PIWIL2: variants seen among roughly 807,000 people sequenced by gnomAD.
The protein encoded by PIWIL2 is piwi-like protein 2.
In PIWIL2, 81 loss-of-function variants were observed where a neutral mutation model predicts 116.5. That is an observed-to-expected ratio of 0.70 (90% confidence interval 0.58 to 0.84). The LOEUF is 0.84. Among genes scored for constraint, PIWIL2 ranks in the 40% least tolerant of loss-of-function variants. PIWIL2 has a pLI of 0.00. For synonymous variants in PIWIL2, 489 were observed against 429.5 expected (o/e 1.14, Z -1.71); for missense variants, 1,272 against 1,212.3 (o/e 1.05, Z -0.73).
intron 20 of PIWIL2, among the ~76,000 whole-genome samples, chr8:22,320,407 AC>A (rs1831570725): frequency 6.6e-6 from 1 of 151,412 alleles, no homozygotes; most frequent in Non-Finnish European, 1.5e-5. Flanking sequence ...AGCTGGGATT[AC>A]CTGCATGTGC....
intron 14 of PIWIL2, among the ~76,000 whole-genome samples, chr8:22,309,334 T>C (rs1586564470): frequency 6.6e-6 from 1 of 152,086 alleles, no homozygotes; most frequent in African/African-American, 2.4e-5. Context: ...TTATATTTTA[T>C]TTATTTATTT....
chr8:22,329,022 C>G lies in PIWIL2; in HGVS notation c.2403+10747C>G, dbSNP rs374979161. 7.2e-5 allele frequency among the ~76,000 whole-genome samples: 11 copies of G among 152,054 alleles called. No individual in the cohort carries two copies. The East Asian group carries it at 1.9e-3, about 27-fold the overall frequency. On this transcript the variant is annotated intron_variant, in intron 20 of 22. Transcript: ENST00000356766. ...TGGTATTGAATAGCAGTGCTAAAATCAGGCATCTTTGTCTTTTTCCTGATA... is the reference window on the plus strand; with the variant it reads ...TGGTATTGAATAGCAGTGCTAAAATGAGGCATCTTTGTCTTTTTCCTGATA...
intron 20 of PIWIL2, among the ~76,000 whole-genome samples, chr8:22,343,951 A>G (rs1832168104): frequency 6.6e-6 from 1 of 152,228 alleles, no homozygotes; most frequent in Admixed American, 6.5e-5. Flanking sequence ...GTTTGTAGCA[A>G]CTTTATTCAT....
chr8:22,290,974 A>ATATATATATTTTTTTTTTTTTTTTTTTTT (rs1554498394), intron 10 of PIWIL2, among the ~76,000 whole-genome samples: 1 of 147,512 alleles, frequency 6.8e-6, no homozygotes, highest in Non-Finnish European at 1.5e-5. Context: ...GTGTATATAT[A>ATATATATATTTTTTTTTTTTTTTTTTTTT]TTTTTTTTAA....
chr8:22,329,726 T>C (rs1022928830), intron 20 of PIWIL2, among the ~76,000 whole-genome samples: 3 of 152,236 alleles, frequency 2.0e-5, no homozygotes, highest in African/African-American at 7.2e-5. Flanking sequence ...TCCTGTATAG[T>C]TCTATTCTCT....
chr8:22,297,020 A>G (rs1664105874), intron 10 of PIWIL2, among the ~76,000 whole-genome samples: 1 of 150,716 alleles, frequency 6.6e-6, no homozygotes, highest in Non-Finnish European at 1.5e-5. Context: ...ATGGAATCTC[A>G]CTTGGTTACC....
At chr8:22,287,394 A>T in intron 6 of PIWIL2, 134 bp from the exon 7 acceptor site, 1 of 695,674 alleles carries the variant, frequency 1.4e-6, no homozygotes, top group Non-Finnish European at 2.6e-6. Context: ...TCAAAGTTCT[A>T]GGCAGATAGA....
At chr8:22,310,584 C>T (rs946594475) in intron 15 of PIWIL2, among the ~76,000 whole-genome samples, 10 of 151,812 alleles carry the variant, frequency 6.6e-5, no homozygotes, top group South Asian at 2.1e-4. Context: ...GAAATATAAA[C>T]GAAAAGCACA....
chr8:22,306,241 C>T (rs951981642), intron 13 of PIWIL2, among the ~76,000 whole-genome samples: 11 of 152,118 alleles, frequency 7.2e-5, no homozygotes, highest in South Asian at 2.1e-4. Context: ...TTTTGAAGGT[C>T]GTTAGAACAG....
intron 1 of PIWIL2, among the ~76,000 whole-genome samples, chr8:22,278,850 T>A (rs988663716): frequency 9.2e-5 from 14 of 152,158 alleles, no homozygotes; most frequent in Non-Finnish European, 5.9e-5. Flanking sequence ...ATTGGAGGGA[T>A]CTAGGTTGCA....
At chr8:22,281,599 G>GCTCTC in intron 4 of PIWIL2, 84 bp downstream of exon 4, 1 of 1,142,550 alleles carries the variant, frequency 8.8e-7, no homozygotes, top group Non-Finnish European at 1.2e-6. Context: ...AAGAAGAGTT[G>GCTCTC]TGTCATCTCA....
chr8:22,303,466 A>T (rs941610767), intron 10 of PIWIL2, among the ~76,000 whole-genome samples: 1 of 152,140 alleles, frequency 6.6e-6, no homozygotes, highest in Non-Finnish European at 1.5e-5. Flanking sequence ...ATCATAGCTC[A>T]CTGTAGCCTC....
At chr8:22,329,578 G>A (rs1185687552) in intron 20 of PIWIL2, among the ~76,000 whole-genome samples, 1 of 152,246 alleles carries the variant, frequency 6.6e-6, no homozygotes, top group Non-Finnish European at 1.5e-5. Flanking sequence ...GATGGCCCAA[G>A]CCATTCCTGA....
rs557597081 is a variant in PIWIL2 at position 22,292,974 on chromosome 8, A to G, written c.1181+2628A>G. Among the ~76,000 whole-genome samples, 69 of 152,358 alleles carry G rather than the reference A, an allele frequency of 4.5e-4. No individual in the cohort carries two copies. In the Middle Eastern group the frequency reaches 0.017, roughly 38 times the overall value. ...TAGTGCAGGAGCCCAGTCCAAGCCAATAGCCTCCTGTAAGTTTTATTTAAT... is the reference window on the plus strand; with the variant it reads ...TAGTGCAGGAGCCCAGTCCAAGCCAGTAGCCTCCTGTAAGTTTTATTTAAT... On this transcript the variant is annotated intron_variant, in intron 10 of 22. Transcript: ENST00000356766.
intron 10 of PIWIL2, among the ~76,000 whole-genome samples, chr8:22,295,402 G>A (rs943092141): frequency 6.6e-6 from 1 of 151,806 alleles, no homozygotes; most frequent in Non-Finnish European, 1.5e-5. Flanking sequence ...AATTCACACC[G>A]AGTTGTGTAA....
At chr8:22,285,845 A>T (rs1202691231) in intron 6 of PIWIL2, among the ~76,000 whole-genome samples, 1 of 151,932 alleles carries the variant, frequency 6.6e-6, no homozygotes, top group African/African-American at 2.4e-5. Context: ...GGGTTTTGCC[A>T]TGTCGACCAG....
Position 22,289,937 on chromosome 8 carries a change from T to C in PIWIL2, c.1067+10T>C. ...TACTACAGCAACACAGGTTGGTACT[T>C]TTTTCCCTTCCCTCACTTTTGAATG... On this transcript the variant is annotated intron_variant, in intron 9 of 22. Transcript: ENST00000356766. The C allele has an allele frequency of 1.9e-6, 3 of 1,574,066 alleles. No individual in the cohort carries two copies. The highest frequency in any genetic ancestry group is 2.6e-6 in the Non-Finnish European group (3 of 1,144,080).
chr8:22,309,771 C>T (rs1831280837), intron 14 of PIWIL2, among the ~76,000 whole-genome samples, 190 bp from the exon 15 acceptor site: 1 of 152,096 alleles, frequency 6.6e-6, no homozygotes, highest in African/African-American at 2.4e-5. Flanking sequence ...ATAATTTTAC[C>T]TATATAAATG....
At chr8:22,288,453 T>TCTTA (rs1830680792) in intron 7 of PIWIL2, 89 bp from the exon 8 acceptor site, 1 of 1,039,864 alleles carries the variant, frequency 9.6e-7, no homozygotes, top group South Asian at 1.9e-5. Flanking sequence ...ACTTTAGTGT[T>TCTTA]CTTAAGAACA....
Sources: allele counts gnomAD v4.1 joint callset (sites outside exome capture counted in the v4.1 genomes callset), GRCh38; gene constraint gnomAD v4.1.1; transcripts MANE v1.5; gene names NCBI Gene and HGNC (gene_info 2026-07-23, HGNC 2026-07-21).